SDC2: variants seen among roughly 807,000 people sequenced by gnomAD.
The protein encoded by SDC2 is syndecan 2.
In SDC2, 13 loss-of-function variants were observed where a neutral mutation model predicts 22.2. That is an observed-to-expected ratio of 0.59 (90% CI 0.38 to 0.93). The LOEUF (loss-of-function observed/expected upper bound fraction) is 0.93, where lower values mean the gene tolerates loss of function less well. Among genes scored for constraint, SDC2 ranks in the 40% least tolerant of loss-of-function variants. SDC2 has a pLI of 0.00. For synonymous variants in SDC2, 94 were observed against 92.8 expected (o/e 1.01, Z -0.07); for missense variants, 235 against 246.8 (o/e 0.95, Z 0.32).
rs34151563 is a variant in SDC2, at chr8:96,517,771, A to ATGTGTGTG, written c.60+23464_60+23471dup. Among the ~76,000 whole-genome samples the ATGTGTGTG allele has an allele frequency of 2.7e-5, 4 of 149,474 alleles. No homozygotes were observed. The South Asian group carries it at 8.6e-4, about 32-fold the overall frequency. On this transcript the variant is annotated intron_variant, in intron 1 of 4. Coordinates refer to ENST00000302190, the MANE Select transcript of SDC2 (RefSeq NM_002998.4). The stretch of plus-strand genomic sequence containing the variant: ...TAAATACACACGTTTGTGTGTGTGC[A>ATGTGTGTG]TGTGTGTGTGTGTGTGTGTGTGTGT...
chr8:96,560,568 G>A (rs1325195214), intron 1 of SDC2, among the ~76,000 whole-genome samples: 2 of 152,110 alleles, frequency 1.3e-5, no homozygotes, highest in African/African-American at 2.4e-5. Context: ...TTTTTAAGGC[G>A]ATGGTTTTAT....
chr8:96,518,732 G>A (rs551869532), intron 1 of SDC2, among the ~76,000 whole-genome samples: 9 of 152,254 alleles, frequency 5.9e-5, no homozygotes, highest in Non-Finnish European at 1.0e-4. Context: ...TCTTGGGTCC[G>A]TGGGAATTTA....
chr8:96,605,317 T>C (rs1271833280), intron 3 of SDC2, among the ~76,000 whole-genome samples: 1 of 152,236 alleles, frequency 6.6e-6, no homozygotes, highest in African/African-American at 2.4e-5. Flanking sequence ...CTATTTGAGA[T>C]TTCTCTTCCC....
intron 1 of SDC2, among the ~76,000 whole-genome samples, chr8:96,576,772 A>C (rs1056536544): frequency 1.3e-5 from 2 of 152,010 alleles, no homozygotes; most frequent in East Asian, 3.9e-4. Flanking sequence ...ATTGACAGTA[A>C]ATTTCAGTGA....
At chr8:96,530,834 C>T (rs914091552) in intron 1 of SDC2, among the ~76,000 whole-genome samples, 3 of 152,212 alleles carry the variant, frequency 2.0e-5, no homozygotes, top group Admixed American at 6.5e-5. Context: ...TGGCCATGGG[C>T]AGTATCTCAG....
intron 1 of SDC2, among the ~76,000 whole-genome samples, chr8:96,589,661 T>G (rs1814745473): frequency 6.6e-6 from 1 of 152,240 alleles, no homozygotes; most frequent in Admixed American, 6.5e-5. Context: ...TCCGCCCGCC[T>G]TGGCCTCCCA....
intron 2 of SDC2, among the ~76,000 whole-genome samples, chr8:96,602,035 G>C (rs1021445665): frequency 6.6e-6 from 1 of 152,172 alleles, no homozygotes; most frequent in Non-Finnish European, 1.5e-5. Flanking sequence ...TGAAATTACA[G>C]GCGTGAGCCC....
intron 1 of SDC2, among the ~76,000 whole-genome samples, chr8:96,515,759 C>T (rs550323638): frequency 3.3e-5 from 5 of 152,204 alleles, no homozygotes; most frequent in African/African-American, 1.2e-4. Context: ...TCTGAGGTCC[C>T]GAGAAGTTGA....
intron 1 of SDC2, among the ~76,000 whole-genome samples, chr8:96,521,481 G>C (rs1316170960): frequency 6.6e-6 from 1 of 152,186 alleles, no homozygotes; most frequent in Non-Finnish European, 1.5e-5. Context: ...GCGATGTCTG[G>C]ATCAGGGCAG....
intron 1 of SDC2, among the ~76,000 whole-genome samples, chr8:96,500,459 C>T (rs1448776925): frequency 2.0e-5 from 3 of 151,844 alleles, no homozygotes; most frequent in East Asian, 1.9e-4. Flanking sequence ...GTCAGGAATT[C>T]GAGACCAGCC....
intron 1 of SDC2, among the ~76,000 whole-genome samples, chr8:96,504,412 T>C (rs1813209104): frequency 6.6e-6 from 1 of 152,182 alleles, no homozygotes; most frequent in South Asian, 2.1e-4. Flanking sequence ...ATGCAAGAGA[T>C]GGTTTTGAAT....
chr8:96,504,363 A>T (rs1040833986), intron 1 of SDC2, among the ~76,000 whole-genome samples: 35 of 152,332 alleles, frequency 2.3e-4, no homozygotes, highest in African/African-American at 8.2e-4. Context: ...TTGTTCTAGC[A>T]TTGCCCAGGT....
chr8:96,581,187 C>CA (rs1814583187), intron 1 of SDC2, among the ~76,000 whole-genome samples: 3 of 152,072 alleles, frequency 2.0e-5, no homozygotes. Flanking sequence ...CATTCGGGGG[C>CA]AAAAAATAAT....
intron 1 of SDC2, among the ~76,000 whole-genome samples, chr8:96,562,046 T>G (rs1007710413): frequency 1.3e-5 from 2 of 152,228 alleles, no homozygotes; most frequent in African/African-American, 4.8e-5. Context: ...GTGTTTGGTG[T>G]TGCATTTCAA....
At chr8:96,514,430 A>T (rs1216400404) in intron 1 of SDC2, among the ~76,000 whole-genome samples, 2 of 152,178 alleles carry the variant, frequency 1.3e-5, no homozygotes, top group East Asian at 3.9e-4. Context: ...GCATTCACTT[A>T]TCCGCACTTT....
chr8:96,501,448 T>C (rs4327834), intron 1 of SDC2, among the ~76,000 whole-genome samples: 42,400 of 150,860 alleles, frequency 0.28, 5,898 homozygotes, highest in Non-Finnish European at 0.31. Context: ...GGGATTACAG[T>C]GCACACCACC....
intron 1 of SDC2, among the ~76,000 whole-genome samples, chr8:96,506,781 G>T (rs1813246709): frequency 6.6e-6 from 1 of 152,124 alleles, no homozygotes; most frequent in African/African-American, 2.4e-5. Flanking sequence ...GGAGGCTGAG[G>T]TAGGTGGATC....
intron 1 of SDC2, among the ~76,000 whole-genome samples, chr8:96,525,121 C>T (rs973012179): frequency 1.3e-5 from 2 of 152,192 alleles, no homozygotes; most frequent in African/African-American, 4.8e-5. Context: ...GCATGCAAAC[C>T]TCAGGTGTGA....
At chr8:96,585,167 C>T (rs922293311) in intron 1 of SDC2, among the ~76,000 whole-genome samples, 7 of 152,146 alleles carry the variant, frequency 4.6e-5, no homozygotes, top group Middle Eastern at 3.4e-3. Context: ...TTTTAAAAAA[C>T]GTATTGATGG....
Sources: gnomAD v4.1 joint callset for allele counts (sites outside exome capture counted in the v4.1 genomes callset) on GRCh38, gnomAD v4.1.1 for gene constraint, MANE v1.5 for transcripts, NCBI Gene and HGNC (gene_info 2026-07-23, HGNC 2026-07-21) for gene names.